The following DES variants were observed in gnomAD, a reference collection of about 807,000 sequenced individuals.
The protein encoded by DES is cardiomyopathy, dilated 1F (autosomal dominant).
DES carries 34 observed loss-of-function variants against 55.1 expected under a neutral mutation model. The ratio of observed to expected loss-of-function variants is 0.62; its 90% CI spans 0.47 to 0.82. The LOEUF (loss-of-function observed/expected upper bound fraction) is 0.82, where lower values mean the gene tolerates loss of function less well. DES is among the 40% of genes least tolerant of loss of function. The pLI is 0.00. For synonymous variants in DES, 259 were observed against 270.8 expected (o/e 0.96, Z 0.43); for missense variants, 596 against 645.9 (o/e 0.92, Z 0.84).
Position 219,420,999 on chromosome 2 carries a change from A to C in DES, c.1023+46A>C, listed in dbSNP as rs367815247. 2.5e-6 allele frequency: 4 copies of C among 1,601,144 alleles called. No individual in the cohort carries two copies. The South Asian group carries it at 4.5e-5, about 18-fold the overall frequency. ...CCAGGCCCTGCCCCTTCCTGTCTGC[A>C]GTTCACACCCTCACTTTGTGACCTT... On this transcript the variant is annotated intron_variant, in intron 5 of 8. Transcript: ENST00000373960. This position sits in a 1 kb window ranked among gnomAD's most constrained non-coding sequence, Gnocchi z 6.0.
rs183332934 is a variant in DES, at chr2:219,421,802, G to A, written c.1244+242G>A. On this transcript the variant is annotated intron_variant, in intron 6 of 8. Coordinates refer to ENST00000373960, the MANE Select transcript of DES (RefSeq NM_001927.4). Reference sequence around the variant, plus strand: ...CTGCCTCAGCTTCCCGAGCAGCTGGGATTACAGGCGCCTACCACCACGCCT... The same window carrying A: ...CTGCCTCAGCTTCCCGAGCAGCTGGAATTACAGGCGCCTACCACCACGCCT... Among the ~76,000 whole-genome samples, 318 of 152,200 alleles carry A rather than the reference G, an allele frequency of 2.1e-3. 2 individuals are homozygous for A. Among genetic ancestry groups the A allele is most frequent in the Middle Eastern group, 6.8e-3 (2 of 294 alleles).
chr2:219,425,369 G>A (rs1954516801), intron 7 of DES, among the ~76,000 whole-genome samples: 1 of 152,134 alleles, frequency 6.6e-6, no homozygotes, highest in Non-Finnish European at 1.5e-5. Context: ...TCAGTGCTGT[G>A]CAGCCTGGGC....
At chr2:219,421,669 A>ATTTT in intron 6 of DES, 109 bp downstream of exon 6, 3 of 826,582 alleles carry the variant, frequency 3.6e-6, no homozygotes, top group Non-Finnish European at 5.3e-6. Flanking sequence ...CCTGGAAACA[A>ATTTT]TTTTTTTTTT....
At chr2:219,424,362 G>C (rs796641663) in intron 7 of DES, among the ~76,000 whole-genome samples, 2 of 152,344 alleles carry the variant, frequency 1.3e-5, no homozygotes, top group South Asian at 2.1e-4. Flanking sequence ...TTTGACATTA[G>C]TAATACGCAG....
intron 7 of DES, 33 bp from the exon 8 acceptor site, chr2:219,425,630 G>A (rs1405295155): frequency 9.1e-6 from 14 of 1,545,562 alleles, no homozygotes; most frequent in Non-Finnish European, 1.2e-5. Flanking sequence ...CCTGGACTTG[G>A]TCAGGCTGAG....
At chr2:219,425,311 C>T (rs984870229) in intron 7 of DES, 3 of 336,444 alleles carry the variant, frequency 8.9e-6, no homozygotes, top group African/African-American at 4.2e-5. Flanking sequence ...GTGTGCAGGG[C>T]TCTCCTGGGG....
intron 6 of DES, 123 bp downstream of exon 6, chr2:219,421,683 TGAGA>T: frequency 5.9e-6 from 5 of 841,868 alleles, no homozygotes; most frequent in Non-Finnish European, 9.0e-6. Context: ...TTTTTTTTTT[TGAGA>T]TGGAGTTTCG....
In DES at chr2:219,426,418, G is replaced by C. The variant is rs886055654; in HGVS notation, c.*428G>C. ...CAGCCCCTAGCCCAGGAGAGAGAAAGCCAGGCAGGTAGCCAGGGGGACTAG... is the reference window on the plus strand; with the variant it reads ...CAGCCCCTAGCCCAGGAGAGAGAAACCCAGGCAGGTAGCCAGGGGGACTAG... On this transcript the variant is annotated 3_prime_UTR_variant, in exon 9 of 9. Coordinates refer to ENST00000373960, the MANE Select transcript of DES (RefSeq NM_001927.4). This position sits in a 1 kb window ranked among gnomAD's most constrained non-coding sequence, Gnocchi z 4.5. 3 of 303,958 alleles carry C rather than the reference G, an allele frequency of 9.9e-6. No individual in the cohort carries two copies. The highest frequency in any genetic ancestry group is 4.2e-5 in the Admixed American group (1 of 23,862). 18.8% of individuals were successfully genotyped at this position (303,958 alleles called of 1,614,324 possible). A position where few individuals can be genotyped will look rare whatever the true frequency, so the allele number is the denominator to read the frequency against.
chr2:219,421,029 C>G, intron 5 of DES, 76 bp downstream of exon 5: 1 of 1,562,176 alleles, frequency 6.4e-7, no homozygotes. Context: ...GACCTTGGGC[C>G]CATCATAGAT....
intron 6 of DES, among the ~76,000 whole-genome samples, chr2:219,423,315 C>T (rs1954476674): frequency 6.6e-6 from 1 of 152,156 alleles, no homozygotes; most frequent in South Asian, 2.1e-4. Context: ...GGCCTTCGAC[C>T]CCATTCCTTG....
intron 7 of DES, chr2:219,425,079 A>G (rs2125171506): frequency 6.5e-6 from 1 of 153,740 alleles, no homozygotes; most frequent in South Asian, 2.1e-4. Flanking sequence ...TTGTATTTTT[A>G]GTAGAGACGG....
At position 219,421,669 on chromosome 2, in the gene DES, AT is replaced by A. The variant is rs374091713; in HGVS notation, c.1244+123del. On this transcript the variant is annotated intron_variant, in intron 6 of 8. Coordinates refer to ENST00000373960, the MANE Select transcript of DES (RefSeq NM_001927.4). The stretch of plus-strand genomic sequence containing the variant: ...ATTACCTCAACAAGACCTGGAAACA[AT>A]TTTTTTTTTTTTTGAGATGGAGTTT... The A allele has an allele frequency of 0.15, 115,159 of 757,992 alleles. 165 individuals carry two copies. The highest frequency in any genetic ancestry group is 0.22 in the South Asian group (9,163 of 42,384). 47.0% of individuals were successfully genotyped at this position (757,992 alleles called of 1,614,324 possible).
Position 219,418,644 on chromosome 2 carries a change from G to T in DES, c.182G>T (p.Gly61Val). The change falls in exon 1 of 9, where the codon GGC becomes GTC. Residue 61 changes from glycine (G) to valine (V), a missense_variant. Coordinates refer to ENST00000373960, the MANE Select transcript of DES (RefSeq NM_001927.4). ...GTGTACCAGGTGTCGCGCACGTCGG[G>T]CGGGGCCGGGGGCCTGGGGTCGCTG... is the stretch of plus-strand genomic sequence containing the variant. ...SRVYQVSRTSGGAGGLGSLRA... is the reference protein window; with the variant it reads ...SRVYQVSRTSVGAGGLGSLRA... 1 of 1,596,824 alleles carries T rather than the reference G, an allele frequency of 6.3e-7. No homozygotes were observed. Among genetic ancestry groups the T allele is most frequent in the African/African-American group, 1.3e-5 (1 of 74,784 alleles).
chr2:219,421,019 G>A, intron 5 of DES, 66 bp downstream of exon 5: 2 of 1,581,076 alleles, frequency 1.3e-6, no homozygotes, highest in Non-Finnish European at 1.7e-6. Context: ...CTCACTTTGT[G>A]ACCTTGGGCC....
At chr2:219,424,634 G>A (rs925816903) in intron 7 of DES, among the ~76,000 whole-genome samples, 6 of 152,196 alleles carry the variant, frequency 3.9e-5, no homozygotes, top group Non-Finnish European at 7.4e-5. Flanking sequence ...ACACAACTCA[G>A]AGCCTCTCTT....
chr2:219,419,963 C>T lies in DES; in HGVS notation c.579-132C>T. On this transcript the variant is annotated intron_variant, in intron 1 of 8. Coordinates refer to ENST00000373960, the MANE Select transcript of DES (RefSeq NM_001927.4). The surrounding 1 kb of genome is among the most constrained non-coding windows in gnomAD (Gnocchi z 4.3). ...GGTGGGGCCTCTCCACTCCCTGTCT[C>T]TCCTGCCTCTACCCAGCAGCCAGGC... is the stretch of plus-strand genomic sequence containing the variant. 1 of 938,804 alleles carries T rather than the reference C, an allele frequency of 1.1e-6. No individual in the cohort carries two copies. The allele number at this position is 938,804 out of a possible 1,614,324, so 58.2% of individuals were successfully genotyped here.
At position 219,418,608 on chromosome 2, in the gene DES, T is replaced by C. The variant is rs794728989; in HGVS notation, c.146T>C (p.Val49Ala). 3 of 1,603,812 alleles carry C rather than the reference T, an allele frequency of 1.9e-6. No individual in the cohort carries two copies. In the Admixed American group the frequency reaches 5.1e-5, roughly 27 times the overall value. Residue 49 changes from valine (V) to alanine (A), a missense_variant, in exon 1 of 9, where the codon GTG becomes GCG. Physicochemically the swap from Val to Ala is moderately conservative, Grantham distance 64. Transcript: ENST00000373960. The part of the protein sequence containing the change: ...GFGSKGSSSS[V>A]TSRVYQVSRT... The stretch of plus-strand genomic sequence containing the variant: ...GGCTCTAAGGGCTCCTCCAGCTCGG[T>C]GACGTCCCGCGTGTACCAGGTGTCG...
intron 6 of DES, among the ~76,000 whole-genome samples, 168 bp downstream of exon 6, chr2:219,421,728 A>C (rs1383304976): frequency 6.6e-6 from 1 of 151,154 alleles, no homozygotes; most frequent in Non-Finnish European, 1.5e-5. Context: ...GTGCAATGGC[A>C]CCATCTTGGC....
chr2:219,425,907 C>T (rs1449099864), intron 8 of DES, 42 bp from the exon 9 acceptor site: 11 of 1,613,518 alleles, frequency 6.8e-6, no homozygotes, highest in East Asian at 6.7e-5. Context: ...GCTCCATTCT[C>T]TGGCTAGCAC....
Sources: allele counts gnomAD v4.1 joint callset (sites outside exome capture counted in the v4.1 genomes callset), GRCh38; gene constraint gnomAD v4.1.1; non-coding constraint Gnocchi (gnomAD v3.1); transcripts MANE v1.5; gene names NCBI Gene and HGNC (gene_info 2026-07-23, HGNC 2026-07-21).